The following EPS15L1 variants were observed in gnomAD, a reference collection of about 807,000 sequenced individuals.
The protein encoded by EPS15L1 is epidermal growth factor receptor substrate 15-like 1.
A neutral mutation model predicts 117.1 loss-of-function variants in EPS15L1; 43 were observed. The observed-to-expected ratio is 0.37, with a 90% confidence interval of 0.29 to 0.47. EPS15L1 has a LOEUF of 0.47. EPS15L1 is among the 20% of genes least tolerant of loss of function. The probability of loss-of-function intolerance (pLI) is 0.99; values close to 1 mark genes in which losing one functional copy is unlikely to be tolerated. For missense variants in EPS15L1, 981 were observed against 1,164.0 expected, an observed-to-expected ratio of 0.84 and a Z score of 2.29; for synonymous variants, 459 against 470.5, an observed-to-expected ratio of 0.98 and a Z score of 0.32.
At chr19:16,470,885 G>A (rs552230596) in intron 1 of EPS15L1, among the ~76,000 whole-genome samples, 13 of 152,216 alleles carry the variant, frequency 8.5e-5, no homozygotes, top group Admixed American at 2.6e-4. Context: ...GCTTTTTCAC[G>A]TGCTTAATTT....
chr19:16,432,869 C>T (rs2092943089), intron 7 of EPS15L1, among the ~76,000 whole-genome samples: 1 of 152,148 alleles, frequency 6.6e-6, no homozygotes, highest in Non-Finnish European at 1.5e-5. Context: ...ATGGCACGAT[C>T]TCAGCTTATT....
chr19:16,455,234 T>G (rs2093183421), intron 1 of EPS15L1, among the ~76,000 whole-genome samples: 1 of 152,146 alleles, frequency 6.6e-6, no homozygotes, highest in Non-Finnish European at 1.5e-5. Context: ...CCTCCTGCCT[T>G]AGCCTCCTGA....
Position 16,395,381 on chromosome 19 carries a change from G to C in EPS15L1, c.1878C>G (p.Phe626Leu). 1 of 1,613,898 alleles carries C rather than the reference G, an allele frequency of 6.2e-7. No homozygotes were observed. Residue 626 changes from phenylalanine to leucine, a missense_variant, in exon 17 of 24, where the codon TTC becomes TTG. Physicochemically the swap from Phe to Leu is conservative, Grantham distance 22. Coordinates refer to ENST00000455140, the MANE Select transcript of EPS15L1 (RefSeq NM_001258374.3). ...CAGCTCCTTTAAATGGGTCAGATTT[G>C]AAGGGGTCTTCTGTCTGGAAAGGAT... ...HPDPFQTEDPFKSDPFKGADP... is the reference protein window; with the variant it reads ...HPDPFQTEDPLKSDPFKGADP...
In EPS15L1 at chr19:16,403,837, ATCGGTTCAGCTCCGACTTGGC is replaced by A. The variant is rs760752856; in HGVS notation, c.1501_1521del (p.Ala501_Arg507del). The A allele has an allele frequency of 2.5e-6, 4 of 1,614,076 alleles. No homozygotes were observed. In the Admixed American group the frequency reaches 6.7e-5, roughly 27 times the overall value. ...TCCAGCTGGGTTTCCTCCTGCTGCA[ATCGGTTCAGCTCCGACTTGGC>A]TCGGTTCAGATCGTCTTCCTGGGAC... On this transcript the variant is annotated inframe_deletion, in exon 15 of 24. Coordinates refer to ENST00000455140, the MANE Select transcript of EPS15L1 (RefSeq NM_001258374.3).
intron 13 of EPS15L1, among the ~76,000 whole-genome samples, chr19:16,412,426 G>A (rs554305601): frequency 6.6e-6 from 1 of 151,980 alleles, no homozygotes; most frequent in Non-Finnish European, 1.5e-5. Flanking sequence ...CTTGAACCCA[G>A]GAGGCGGAAA....
At chr19:16,368,919 C>T (rs2092179460) in intron 22 of EPS15L1, among the ~76,000 whole-genome samples, 2 of 152,226 alleles carry the variant, frequency 1.3e-5, no homozygotes, top group Non-Finnish European at 1.5e-5. Context: ...GTGGCCCGGG[C>T]GGGGCACCAC....
intron 22 of EPS15L1, among the ~76,000 whole-genome samples, chr19:16,364,299 C>A (rs550946203): frequency 2.0e-4 from 31 of 152,234 alleles, no homozygotes; most frequent in African/African-American, 7.2e-4. Flanking sequence ...GAGACCCTTC[C>A]CTAGAGGGGC....
intron 1 of EPS15L1, among the ~76,000 whole-genome samples, chr19:16,461,845 C>T (rs1269488739): frequency 6.6e-6 from 1 of 152,184 alleles, no homozygotes; most frequent in Non-Finnish European, 1.5e-5. Context: ...CCTGTTTCTT[C>T]ACCCAAGAGA....
chr19:16,400,972 C>T (rs2092594910), intron 16 of EPS15L1: 1 of 985,376 alleles, frequency 1.0e-6, no homozygotes, highest in Non-Finnish European at 1.2e-6. Flanking sequence ...GGGGACAATG[C>T]CAGATGGGGA....
At chr19:16,430,086 G>T (rs1012120362) in intron 7 of EPS15L1, among the ~76,000 whole-genome samples, 2 of 152,224 alleles carry the variant, frequency 1.3e-5, no homozygotes, top group African/African-American at 4.8e-5. Context: ...GACTGCCTGA[G>T]GCCTCTGTGC....
At chr19:16,363,310 G>C (rs2092085274) in intron 22 of EPS15L1, among the ~76,000 whole-genome samples, 1 of 152,132 alleles carries the variant, frequency 6.6e-6, no homozygotes, top group Non-Finnish European at 1.5e-5. Context: ...AAAAAACCAG[G>C]AACTGCCTGT....
At chr19:16,435,682 A>G (rs746041930) in intron 6 of EPS15L1, among the ~76,000 whole-genome samples, 31 of 151,568 alleles carry the variant, frequency 2.0e-4, no homozygotes, top group Non-Finnish European at 3.1e-4. Flanking sequence ...TCTCCTGGCC[A>G]TCGGACTTGC....
intron 19 of EPS15L1, among the ~76,000 whole-genome samples, chr19:16,387,853 T>C (rs2092436619): frequency 1.3e-5 from 2 of 151,760 alleles, no homozygotes; most frequent in Middle Eastern, 3.4e-3. Context: ...AACAGAGCAG[T>C]AGAAATTACT....
intron 1 of EPS15L1, among the ~76,000 whole-genome samples, chr19:16,458,052 T>C (rs185902843): frequency 1.3e-3 from 196 of 152,272 alleles, no homozygotes; most frequent in African/African-American, 4.5e-3. Flanking sequence ...CCCTGCCATC[T>C]ACTACTCCCT....
At chr19:16,441,001 C>T (rs1233847343) in intron 3 of EPS15L1, 92 bp from the exon 4 acceptor site, 11 of 1,243,434 alleles carry the variant, frequency 8.8e-6, no homozygotes, top group Non-Finnish European at 1.2e-5. Context: ...CATCACTGGC[C>T]TTGCGGGGCA....
intron 19 of EPS15L1, among the ~76,000 whole-genome samples, chr19:16,389,151 A>C (rs1049913748): frequency 6.6e-6 from 1 of 151,826 alleles, no homozygotes; most frequent in African/African-American, 2.4e-5. Context: ...TGGAAAAAAA[A>C]AAAGAAAAGA....
chr19:16,439,081 T>TG (rs2093004993), intron 4 of EPS15L1, among the ~76,000 whole-genome samples: 2 of 151,820 alleles, frequency 1.3e-5, no homozygotes, highest in South Asian at 2.1e-4. Context: ...TCTGTTTTTT[T>TG]TTTTTTTTAT....
intron 9 of EPS15L1, among the ~76,000 whole-genome samples, chr19:16,422,954 T>C (rs986625807): frequency 1.0e-4 from 12 of 120,120 alleles, no homozygotes; most frequent in Non-Finnish European, 1.8e-4. Flanking sequence ...CAAGACTCCG[T>C]CTCGGGGAAA....
At position 16,402,362 on chromosome 19, in the gene EPS15L1, C is replaced by A; in HGVS notation, c.1750G>T (p.Glu584Ter). Residue 584 changes from glutamate to a stop codon, truncating the protein, a stop_gained, in exon 16 of 24, where the codon GAA (glutamate) becomes TAA (stop). Coordinates refer to ENST00000455140, the MANE Select transcript of EPS15L1 (RefSeq NM_001258374.3). LOFTEE classifies it high-confidence loss of function. Reference sequence around the variant, plus strand: ...CCCCTCTCTGCCAGGGAGACGCCTTCGCTCAGGTTGGCCAGGTCGGTCAGG... The same window carrying A: ...CCCCTCTCTGCCAGGGAGACGCCTTAGCTCAGGTTGGCCAGGTCGGTCAGG... ...ASLTDLANLS[E>*]GVSLAERGSF... 6.2e-7 allele frequency: 1 copy of A among 1,613,928 alleles called. No individual in the cohort carries two copies. Among genetic ancestry groups the A allele is most frequent in the Non-Finnish European group, 8.5e-7 (1 of 1,179,922 alleles).
Sources: gnomAD v4.1 joint callset for allele counts (sites outside exome capture counted in the v4.1 genomes callset) on GRCh38, gnomAD v4.1.1 for gene constraint, MANE v1.5 for transcripts, NCBI Gene and HGNC (gene_info 2026-07-23, HGNC 2026-07-21) for gene names.